SETD7: variants seen among roughly 807,000 people sequenced by gnomAD.
SETD7 encodes histone-lysine N-methyltransferase SETD7.
SETD7 carries 16 observed loss-of-function variants against 41.8 expected under a neutral mutation model. The observed-to-expected ratio is 0.38, with a 90% CI of 0.26 to 0.58. The LOEUF (loss-of-function observed/expected upper bound fraction) is 0.58. SETD7 is among the 20% of genes least tolerant of loss of function. The pLI is 0.64. For missense variants in SETD7, 346 were observed against 459.7 expected, an observed-to-expected ratio of 0.75 and a Z score of 2.26; for synonymous variants, 163 against 169.7, an observed-to-expected ratio of 0.96 and a Z score of 0.31.
chr4:139,493,636 C>T (rs1311053098), downstream of SETD7, among the ~76,000 whole-genome samples: 2 of 151,618 alleles, frequency 1.3e-5, no homozygotes, highest in African/African-American at 4.9e-5. Context: ...CCTTCCTGTG[C>T]TTAAGTGATC....
At chr4:139,537,356 G>A (rs529555867) in intron 2 of SETD7, among the ~76,000 whole-genome samples, 1 of 152,288 alleles carries the variant, frequency 6.6e-6, no homozygotes, top group South Asian at 2.1e-4. Context: ...TTGAAAAGTG[G>A]GTACATAGAA....
intron 4 of SETD7, among the ~76,000 whole-genome samples, chr4:139,526,274 ATTT>A (rs35426583): frequency 7.1e-6 from 1 of 141,264 alleles, no homozygotes; most frequent in Non-Finnish European, 1.5e-5. Context: ...ACTCTCAACA[ATTT>A]TTTTTTTTTT....
downstream of SETD7, among the ~76,000 whole-genome samples, chr4:139,501,456 G>T (rs965438907): frequency 1.3e-5 from 2 of 151,698 alleles, no homozygotes; most frequent in African/African-American, 4.8e-5. Context: ...AGGGAGCTAG[G>T]GATAAAAATC....
At position 139,509,757 on chromosome 4, in the gene SETD7, T is replaced by C. The variant is rs1560674506; in HGVS notation, c.*1906A>G. On this transcript the variant is annotated 3_prime_UTR_variant, in exon 8 of 8. Coordinates refer to ENST00000274031, the MANE Select transcript of SETD7 (RefSeq NM_030648.4). ...CACAGTGTATAGAACGGTCTCTTTC[T>C]ACAGAGTAAGAGTGACCCTATCCTG... The C allele has an allele frequency of 1.0e-6, 1 of 985,478 alleles. No individual in the cohort carries two copies. Among genetic ancestry groups the C allele is most frequent in the Non-Finnish European group, 1.2e-6 (1 of 829,942 alleles). The allele number at this position is 985,478 out of a possible 1,614,324, so 61.0% of individuals were successfully genotyped here.
chr4:139,501,164 G>A (rs111360881), downstream of SETD7, among the ~76,000 whole-genome samples: 2,985 of 152,038 alleles, frequency 0.02, 39 homozygotes, highest in Non-Finnish European at 0.029. Context: ...CTTCTTATCC[G>A]TTTCCCTCAC....
At chr4:139,500,356 A>C (rs1469184895) in intron 7 of SETD7, among the ~76,000 whole-genome samples, 1 of 152,176 alleles carries the variant, frequency 6.6e-6, no homozygotes, top group Non-Finnish European at 1.5e-5. Flanking sequence ...TTCTCAGTAC[A>C]ACAGCCTGAG....
At position 139,555,511 on chromosome 4, in the gene SETD7, C is replaced by T. The variant is rs1400601375; in HGVS notation, c.40+587G>A. On this transcript the variant is annotated intron_variant, in intron 1 of 7. Coordinates refer to ENST00000274031, the MANE Select transcript of SETD7 (RefSeq NM_030648.4). The surrounding 1 kb of genome is among the most constrained non-coding windows in gnomAD (Gnocchi z 4.0). The stretch of plus-strand genomic sequence containing the variant: ...CGAGTCCCGGGTCGGGAGACTTGTC[C>T]GTCGCCCGACAATGATTTCATCTTT... Among the ~76,000 whole-genome samples, 1 of 152,098 alleles carries T rather than the reference C, an allele frequency of 6.6e-6. No individual in the cohort carries two copies. The highest frequency in any genetic ancestry group is 1.5e-5 in the Non-Finnish European group (1 of 68,016).
downstream of SETD7, among the ~76,000 whole-genome samples, chr4:139,494,702 A>G (rs913226399): frequency 1.3e-5 from 2 of 152,242 alleles, no homozygotes; most frequent in African/African-American, 4.8e-5. Context: ...CTCATACATA[A>G]ATTGATACTG....
chr4:139,521,868 C>T (rs1162201041), intron 5 of SETD7, among the ~76,000 whole-genome samples: 1 of 152,224 alleles, frequency 6.6e-6, no homozygotes, highest in Non-Finnish European at 1.5e-5. Flanking sequence ...GTAAAGAAAA[C>T]ATGTGAAACA....
Position 139,533,250 on chromosome 4 carries a change from T to C in SETD7, c.287A>G (p.Gln96Arg). The C allele has an allele frequency of 6.2e-7, 1 of 1,614,242 alleles. No individual in the cohort carries two copies. The highest frequency in any genetic ancestry group is 8.5e-7 in the Non-Finnish European group (1 of 1,180,040). The change falls in exon 3 of 8, where the codon CAG becomes CGG. Residue 96 changes from glutamine to arginine, a missense_variant. Gln to Arg is a conservative substitution (Grantham distance 43, BLOSUM62 1). Around this residue, in one of 3 missense-constraint regions of SETD7, gnomAD observed 266 missense variants for 377.0 expected, o/e 0.71. Coordinates refer to ENST00000274031, the MANE Select transcript of SETD7 (RefSeq NM_030648.4). ...CAGTCTCCCATCTGTGTCATATTCC[T>C]GGGCTGGACCGTTCAGCTCTCCGTC... ...YVDGELNGPA[Q>R]EYDTDGRLIF...
At chr4:139,547,362 T>C (rs1354464417) in intron 1 of SETD7, among the ~76,000 whole-genome samples, 1 of 152,202 alleles carries the variant, frequency 6.6e-6, no homozygotes, top group Non-Finnish European at 1.5e-5. Flanking sequence ...TCAGTAATAT[T>C]ATCTGCAGGG....
chr4:139,549,199 A>G, intron 1 of SETD7, among the ~76,000 whole-genome samples: 1 of 152,218 alleles, frequency 6.6e-6, no homozygotes, highest in Non-Finnish European at 1.5e-5. Context: ...AAATGCTTTC[A>G]CCATAGAAAA....
intron 3 of SETD7, among the ~76,000 whole-genome samples, chr4:139,530,930 T>C (rs910017199): frequency 2.0e-5 from 3 of 152,184 alleles, no homozygotes; most frequent in African/African-American, 7.2e-5. Context: ...GTTCCTGCTA[T>C]GGCCCATTAC....
At chr4:139,541,307 C>T (rs887856380) in intron 2 of SETD7, among the ~76,000 whole-genome samples, 3 of 152,146 alleles carry the variant, frequency 2.0e-5, no homozygotes, top group Non-Finnish European at 4.4e-5. Flanking sequence ...GTTCATAAAT[C>T]ATGGTCAAAA....
chr4:139,549,442 G>A (rs1162345675), intron 1 of SETD7, among the ~76,000 whole-genome samples: 1 of 152,108 alleles, frequency 6.6e-6, no homozygotes, highest in African/African-American at 2.4e-5. Context: ...CATACTGTAA[G>A]CCCTTGGAGG....
intron 7 of SETD7, among the ~76,000 whole-genome samples, chr4:139,500,498 T>C (rs1301200772): frequency 6.6e-6 from 1 of 152,156 alleles, no homozygotes; most frequent in Non-Finnish European, 1.5e-5. Flanking sequence ...AGAAAGCTGG[T>C]GGTTTTTGTT....
chr4:139,532,960 ATAAT>A, intron 3 of SETD7: 1 of 589,192 alleles, frequency 1.7e-6, no homozygotes, highest in Middle Eastern at 4.4e-4. Flanking sequence ...ACGCTGAAAA[ATAAT>A]TAATAACGGA....
intron 7 of SETD7, among the ~76,000 whole-genome samples, chr4:139,514,447 G>A (rs566001302): frequency 2.3e-4 from 35 of 150,690 alleles, no homozygotes; most frequent in African/African-American, 8.7e-4. Context: ...ACATTTTCCT[G>A]TTCATTATCA....
At chr4:139,545,794 C>A (rs1560691990) in intron 2 of SETD7, among the ~76,000 whole-genome samples, 1 of 152,216 alleles carries the variant, frequency 6.6e-6, no homozygotes, top group Non-Finnish European at 1.5e-5. Context: ...CCAAAGGAAG[C>A]TCTGGCCTAT....
Sources: allele counts gnomAD v4.1 joint callset (sites outside exome capture counted in the v4.1 genomes callset), GRCh38; gene constraint gnomAD v4.1.1; regional missense constraint gnomAD v4.1.1; non-coding constraint Gnocchi (gnomAD v3.1); transcripts MANE v1.5; gene names NCBI Gene and HGNC (gene_info 2026-07-23, HGNC 2026-07-21).